Variants in KALRN observed in about 807,000 individuals in gnomAD.
KALRN encodes kalirin RhoGEF kinase, also known as kalirin.
In KALRN, 70 loss-of-function variants were observed where a neutral mutation model predicts 353.7. That is an observed-to-expected ratio of 0.20 (90% CI 0.16 to 0.24). The LOEUF is 0.24. Ranked by LOEUF, KALRN falls within the 10% of genes least tolerant of loss-of-function variation. The pLI is 1.00. For missense variants in KALRN, 2,791 were observed against 3,756.7 expected (o/e 0.74, Z 6.72); for synonymous variants, 1,391 against 1,434.8 (o/e 0.97, Z 0.69).
intron 5 of KALRN, among the ~76,000 whole-genome samples, chr3:124,287,599 A>G (rs915550469): frequency 5.3e-5 from 8 of 151,044 alleles, no homozygotes; most frequent in South Asian, 4.2e-4. Flanking sequence ...TTGGTTATTG[A>G]CCAATGCCTT....
At chr3:124,259,110 G>C (rs2072477879) in intron 3 of KALRN, among the ~76,000 whole-genome samples, 1 of 152,202 alleles carries the variant, frequency 6.6e-6, no homozygotes, top group African/African-American at 2.4e-5. Context: ...ACCAACTAAG[G>C]ATAGGTGAAG....
intron 1 of KALRN, among the ~76,000 whole-genome samples, chr3:124,199,546 A>AT (rs1283729561): frequency 1.5e-5 from 2 of 133,864 alleles, no homozygotes; most frequent in Non-Finnish European, 3.3e-5. Flanking sequence ...TATTCAAATA[A>AT]TTTTTATTAA....
chr3:124,562,602 T>TGTA, intron 33 of KALRN: 1 of 308,170 alleles, frequency 3.2e-6, no homozygotes, highest in Admixed American at 4.5e-5. Flanking sequence ...AAAGCCTGAG[T>TGTA]GATTGAATAG....
intron 1 of KALRN, among the ~76,000 whole-genome samples, chr3:124,170,205 C>T (rs2071536590): frequency 6.6e-6 from 1 of 152,218 alleles, no homozygotes; most frequent in African/African-American, 2.4e-5. Flanking sequence ...GAACCTTTAG[C>T]GCCTTCCTGG....
At chr3:124,428,047 A>G (rs2093103443) in intron 15 of KALRN, among the ~76,000 whole-genome samples, 1 of 152,216 alleles carries the variant, frequency 6.6e-6, no homozygotes, top group Non-Finnish European at 1.5e-5. Context: ...CAAAATTAGT[A>G]GAACCAACAT....
chr3:124,575,339 AG>A (rs1433548089), intron 34 of KALRN, among the ~76,000 whole-genome samples: 3 of 152,180 alleles, frequency 2.0e-5, no homozygotes, highest in Non-Finnish European at 4.4e-5. Flanking sequence ...AGCTGCAGGG[AG>A]GTGGCCCAGG....
intron 1 of KALRN, among the ~76,000 whole-genome samples, chr3:124,182,772 T>C (rs1365786338): frequency 6.6e-6 from 1 of 152,150 alleles, no homozygotes; most frequent in Non-Finnish European, 1.5e-5. Flanking sequence ...TCTTTAACCA[T>C]CTCACTATCA....
chr3:124,593,452 C>T (rs2075998054), intron 34 of KALRN, among the ~76,000 whole-genome samples: 1 of 152,148 alleles, frequency 6.6e-6, no homozygotes, highest in Non-Finnish European at 1.5e-5. Context: ...AATAAGCCCT[C>T]CAGGTGGTTG....
intron 1 of KALRN, among the ~76,000 whole-genome samples, chr3:124,038,693 C>T (rs542449115): frequency 6.6e-5 from 10 of 152,314 alleles, no homozygotes; most frequent in Admixed American, 5.9e-4. Context: ...TTCTGTGAAT[C>T]TAGACATTTT....
intron 33 of KALRN, among the ~76,000 whole-genome samples, chr3:124,520,211 A>T (rs2067049486): frequency 6.6e-6 from 1 of 152,168 alleles, no homozygotes; most frequent in East Asian, 1.9e-4. Context: ...GAAGGGAGAG[A>T]AAAGCAGCCA....
chr3:124,529,160 C>T lies in KALRN; in HGVS notation c.4935+32747C>T, dbSNP rs554526745. ...CCATGAGGGTAGGGATTCTTGTCTG[C>T]TTTCTTCACTGCTATATCCCCAGTA... On this transcript the variant is annotated intron_variant, in intron 33 of 59. Coordinates refer to ENST00000682506, the MANE Select transcript of KALRN (RefSeq NM_001388419.1). Among the ~76,000 whole-genome samples, 613 of 152,250 alleles carry T rather than the reference C, an allele frequency of 4.0e-3. 2 individuals are homozygous for T. Among genetic ancestry groups the T allele is most frequent in the Non-Finnish European group, 6.6e-3 (448 of 68,020 alleles).
chr3:124,611,945 G>A (rs2078023711), intron 34 of KALRN, among the ~76,000 whole-genome samples: 1 of 152,198 alleles, frequency 6.6e-6, no homozygotes, highest in African/African-American at 2.4e-5. Flanking sequence ...CAGCTTAAAT[G>A]TCACTTCTCA....
intron 11 of KALRN, among the ~76,000 whole-genome samples, chr3:124,388,731 A>G (rs2088845730): frequency 1.3e-5 from 2 of 152,284 alleles, no homozygotes; most frequent in South Asian, 4.2e-4. Context: ...GCTTTCCTTT[A>G]GGACCTATAT....
chr3:124,702,234 C>A, intron 57 of KALRN, 118 bp downstream of exon 57: 1 of 587,070 alleles, frequency 1.7e-6, no homozygotes, highest in South Asian at 3.4e-5. Flanking sequence ...CTCTCCATAG[C>A]AAGAAAAAAA....
intron 37 of KALRN, among the ~76,000 whole-genome samples, chr3:124,639,678 T>G (rs915038229): frequency 6.6e-6 from 1 of 152,192 alleles, no homozygotes; most frequent in African/African-American, 2.4e-5. Context: ...GGGATGGCAT[T>G]GGTGTTGATT....
chr3:124,475,651 T>A (rs1463145463), intron 26 of KALRN, among the ~76,000 whole-genome samples: 1 of 152,256 alleles, frequency 6.6e-6, no homozygotes, highest in African/African-American at 2.4e-5. Context: ...GACAACACTA[T>A]GTTTATGTTT....
intron 25 of KALRN, among the ~76,000 whole-genome samples, chr3:124,463,126 T>C (rs2060004781): frequency 6.6e-6 from 1 of 152,246 alleles, no homozygotes; most frequent in African/African-American, 2.4e-5. Context: ...AGTAGAATTG[T>C]AGAGCCCTAA....
chr3:124,277,657 A>G (rs2074893420), intron 5 of KALRN, among the ~76,000 whole-genome samples: 1 of 151,956 alleles, frequency 6.6e-6, no homozygotes, highest in Admixed American at 6.6e-5. Flanking sequence ...CCCCATTTGT[A>G]TCCTGAGATT....
intron 1 of KALRN, among the ~76,000 whole-genome samples, chr3:124,188,329 C>T (rs2074478325): frequency 6.6e-6 from 1 of 152,154 alleles, no homozygotes; most frequent in African/African-American, 2.4e-5. Flanking sequence ...AGGATGTGAA[C>T]ATTCCAGACA....
Sources: gnomAD v4.1 joint callset for allele counts (sites outside exome capture counted in the v4.1 genomes callset) on GRCh38, gnomAD v4.1.1 for gene constraint, MANE v1.5 for transcripts, NCBI Gene and HGNC (gene_info 2026-07-23, HGNC 2026-07-21) for gene names.